DLGAP4: variants seen among roughly 807,000 people sequenced by gnomAD.
DLGAP4 encodes disks large-associated protein 4.
Under a neutral mutation model 86.9 loss-of-function variants are expected in DLGAP4, and 18 were observed. The observed-to-expected ratio is 0.21, with a 90% CI of 0.14 to 0.31. The LOEUF is 0.31. Among genes scored for constraint, DLGAP4 ranks in the 10% least tolerant of loss-of-function variants. The pLI, the probability that DLGAP4 is intolerant of heterozygous loss-of-function variation, is 1.00. For synonymous variants in DLGAP4, 548 were observed against 574.3 expected (o/e 0.95, Z 0.65); for missense variants, 1,085 against 1,362.6 (o/e 0.80, Z 3.21).
rs2033126239 is a variant in DLGAP4 at position 36,431,415 on chromosome 20, G to C, written c.-72-231G>C. On this transcript the variant is annotated intron_variant, in intron 2 of 12. Transcript: ENST00000339266. The surrounding 1 kb of genome is among the most constrained non-coding windows in gnomAD (Gnocchi z 5.1). ...GTTGTTTTAAAGATACAGTCCTCAA[G>C]CTAGAAGAATGGAAGATGTTGTGCT... Among the ~76,000 whole-genome samples the C allele has an allele frequency of 6.6e-6, 1 of 152,156 alleles. No individual in the cohort carries two copies. The highest frequency in any genetic ancestry group is 2.4e-5 in the African/African-American group (1 of 41,424).
At chr20:36,375,225 C>A (rs886959806) in intron 2 of DLGAP4, among the ~76,000 whole-genome samples, 4 of 152,162 alleles carry the variant, frequency 2.6e-5, no homozygotes, top group African/African-American at 9.7e-5. Context: ...GAGCTGGTCA[C>A]TTCATCTGCT....
intron 7 of DLGAP4, among the ~76,000 whole-genome samples, chr20:36,488,430 A>G (rs1488773330): frequency 6.6e-6 from 1 of 152,158 alleles, no homozygotes; most frequent in African/African-American, 2.4e-5. Flanking sequence ...GTAGATTCTC[A>G]TTCACTGTAG....
rs1555889638 is a variant in DLGAP4, at chr20:36,308,023, G to A, written c.-304+1511G>A. ...GGCCTGGCCGATGGGTGGCTGGAGT[G>A]TTGGAGCCACCACCAGGCCCTAGAG... On this transcript the variant is annotated intron_variant, in intron 1 of 12. Coordinates refer to ENST00000339266, the MANE Select transcript of DLGAP4 (RefSeq NM_001365621.2). This position sits in a 1 kb window ranked among gnomAD's most constrained non-coding sequence, Gnocchi z 4.5. 6.6e-6 allele frequency among the ~76,000 whole-genome samples: 1 copy of A among 152,242 alleles called. No individual in the cohort carries two copies. Among genetic ancestry groups the A allele is most frequent in the Non-Finnish European group, 1.5e-5 (1 of 68,044 alleles).
intron 10 of DLGAP4, chr20:36,510,796 A>T (rs543283475): frequency 6.6e-6 from 1 of 152,300 alleles, no homozygotes; most frequent in African/African-American, 2.4e-5. Context: ...ACCTCAAGTG[A>T]TCCACCCACC....
intron 6 of DLGAP4, among the ~76,000 whole-genome samples, chr20:36,445,851 T>C (rs2033578633): frequency 6.6e-6 from 1 of 152,232 alleles, no homozygotes. Context: ...GCCTGAGACA[T>C]GGGTCAGATA....
intron 1 of DLGAP4, among the ~76,000 whole-genome samples, chr20:36,349,200 C>T (rs1408031475): frequency 3.4e-5 from 5 of 147,384 alleles, no homozygotes; most frequent in South Asian, 2.2e-4. Context: ...GGGTGGATCC[C>T]GAGGTCAGGA....
At chr20:36,450,361 G>T (rs1219280095) in intron 7 of DLGAP4, among the ~76,000 whole-genome samples, 3 of 152,178 alleles carry the variant, frequency 2.0e-5, no homozygotes, top group East Asian at 3.9e-4. Context: ...AGCCAGGCGT[G>T]GTGGTGCCCA....
At chr20:36,461,662 C>CCCCCCCCCCCCG in intron 7 of DLGAP4, 2 of 241,782 alleles carry the variant, frequency 8.3e-6, no homozygotes, top group Non-Finnish European at 1.2e-5. Flanking sequence ...GGGGCCGCCC[C>CCCCCCCCCCCCG]GCCCGGCCCG....
intron 10 of DLGAP4, among the ~76,000 whole-genome samples, chr20:36,515,415 C>T (rs6123538): frequency 1.5e-4 from 23 of 152,088 alleles, no homozygotes; most frequent in African/African-American, 5.6e-4. Context: ...TTTCACTGTC[C>T]TTATTAATCA....
chr20:36,475,172 G>A (rs2034853723), intron 7 of DLGAP4, among the ~76,000 whole-genome samples: 1 of 152,026 alleles, frequency 6.6e-6, no homozygotes, highest in Non-Finnish European at 1.5e-5. Context: ...AACCTAAAGA[G>A]GTGTGATAAT....
chr20:36,331,863 T>G (rs370901992), intron 1 of DLGAP4, among the ~76,000 whole-genome samples: 11 of 152,148 alleles, frequency 7.2e-5, no homozygotes, highest in South Asian at 4.2e-4. Context: ...ACCTGAACAC[T>G]TACAAAGGAG....
intron 1 of DLGAP4, among the ~76,000 whole-genome samples, chr20:36,315,414 G>C (rs1377962386): frequency 6.8e-6 from 1 of 147,082 alleles, no homozygotes; most frequent in Non-Finnish European, 1.5e-5. Flanking sequence ...AGGAGCTTGG[G>C]ATGAGGAACA....
At chr20:36,365,824 C>T (rs1399228359) in intron 1 of DLGAP4, among the ~76,000 whole-genome samples, 3 of 152,174 alleles carry the variant, frequency 2.0e-5, no homozygotes, top group Non-Finnish European at 4.4e-5. Flanking sequence ...TCTCCTTATT[C>T]CTCCCATCCC....
chr20:36,309,415 C>T (rs938403226), intron 1 of DLGAP4, among the ~76,000 whole-genome samples: 3 of 152,190 alleles, frequency 2.0e-5, no homozygotes, highest in African/African-American at 7.2e-5. Context: ...CGACCTGGTC[C>T]ATTCTGAGTG....
At chr20:36,462,253 C>T (rs889676022) in intron 7 of DLGAP4, 109 of 1,249,750 alleles carry the variant, frequency 8.7e-5, no homozygotes, top group Non-Finnish European at 1.1e-4. Flanking sequence ...TCTCTGCTTT[C>T]CCCTGGTTTG....
At chr20:36,526,493 TCTGA>T (rs1327020803) in intron 12 of DLGAP4, among the ~76,000 whole-genome samples, 4 of 152,050 alleles carry the variant, frequency 2.6e-5, no homozygotes, top group South Asian at 2.1e-4. Context: ...TAAATTTGTC[TCTGA>T]CTGTGACTCG....
chr20:36,409,182 T>A (rs2032414309), intron 2 of DLGAP4, among the ~76,000 whole-genome samples: 1 of 151,940 alleles, frequency 6.6e-6, no homozygotes, highest in Admixed American at 6.6e-5. Flanking sequence ...ATTACAGGCA[T>A]GTGCAGCCAT....
intron 7 of DLGAP4, among the ~76,000 whole-genome samples, chr20:36,458,045 G>A (rs2033925664): frequency 6.6e-6 from 1 of 152,152 alleles, no homozygotes; most frequent in Non-Finnish European, 1.5e-5. Flanking sequence ...GCTGGTGGGG[G>A]GCAGAGCACT....
intron 2 of DLGAP4, among the ~76,000 whole-genome samples, chr20:36,416,477 G>T (rs192192879): frequency 2.6e-4 from 40 of 152,336 alleles, no homozygotes; most frequent in African/African-American, 9.6e-4. Flanking sequence ...CTCCAGGACA[G>T]TTGGTGGAAC....
Sources: allele counts gnomAD v4.1 joint callset (sites outside exome capture counted in the v4.1 genomes callset), GRCh38; gene constraint gnomAD v4.1.1; non-coding constraint Gnocchi (gnomAD v3.1); transcripts MANE v1.5; gene names NCBI Gene and HGNC (gene_info 2026-07-23, HGNC 2026-07-21).